Variants in PCDH15 observed in about 807,000 individuals in gnomAD.
PCDH15 encodes protocadherin related 15, also known as protocadherin-15.
In PCDH15, 129 loss-of-function variants were observed where a neutral mutation model predicts 178.5. That is an observed-to-expected ratio of 0.72 (90% confidence interval 0.63 to 0.84). The LOEUF is 0.84. Among genes scored for constraint, PCDH15 ranks in the 40% least tolerant of loss-of-function variants. PCDH15 has a pLI of 0.00. For synonymous variants in PCDH15, 800 were observed against 732.0 expected (o/e 1.09, Z -1.50); for missense variants, 2,230 against 2,099.9 (o/e 1.06, Z -1.21).
chr10:54,070,526 A>G (rs1171732094), intron 17 of PCDH15, among the ~76,000 whole-genome samples: 1 of 152,064 alleles, frequency 6.6e-6, no homozygotes, highest in Non-Finnish European at 1.5e-5. Context: ...TTGAATACAC[A>G]TTTATTTTTA....
In PCDH15 at chr10:54,579,935, CACA is replaced by C. The variant is rs1227794887; in HGVS notation, c.92-52061_92-52059del. 5.9e-5 allele frequency among the ~76,000 whole-genome samples: 9 copies of C among 152,058 alleles called. No homozygotes were observed. The South Asian group carries it at 1.5e-3, about 25-fold the overall frequency. Reference sequence around the variant, plus strand: ...TATAAAATTATTTAAAATGAAGACACACAACATTTCAAAATCTCTGAGATGCAG... The same window carrying C: ...TATAAAATTATTTAAAATGAAGACACACATTTCAAAATCTCTGAGATGCAG... On this transcript the variant is annotated intron_variant, in intron 2 of 37. Coordinates refer to ENST00000644397, the MANE Select transcript of PCDH15 (RefSeq NM_001384140.1).
chr10:54,513,486 T>C (rs1044139262), intron 3 of PCDH15, among the ~76,000 whole-genome samples: 7 of 152,148 alleles, frequency 4.6e-5, no homozygotes, highest in East Asian at 1.9e-4. Flanking sequence ...TTCCCTCACA[T>C]TAGAATATTG....
chr10:55,449,409 A>G (rs549460429), intron 2 of PCDH15, among the ~76,000 whole-genome samples: 11 of 152,222 alleles, frequency 7.2e-5, no homozygotes, highest in African/African-American at 2.4e-4. Context: ...TCATGACAAC[A>G]GGCAATAAAA....
At chr10:54,134,470 C>A (rs1028372368) in intron 14 of PCDH15, among the ~76,000 whole-genome samples, 1 of 152,042 alleles carries the variant, frequency 6.6e-6, no homozygotes, top group African/African-American at 2.4e-5. Context: ...GAAAGAAATT[C>A]AGGCTGGGCA....
chr10:54,271,202 CT>C (rs1327517126), intron 8 of PCDH15, among the ~76,000 whole-genome samples: 1 of 151,062 alleles, frequency 6.6e-6, no homozygotes, highest in Non-Finnish European at 1.5e-5. Flanking sequence ...TAATTATGTT[CT>C]TACATTTTGT....
At chr10:54,360,821 A>C (rs1005690318) in intron 5 of PCDH15, among the ~76,000 whole-genome samples, 1 of 152,070 alleles carries the variant, frequency 6.6e-6, no homozygotes, top group Non-Finnish European at 1.5e-5. Context: ...ACAAAGTTTG[A>C]ATAGAATAAA....
intron 2 of PCDH15, among the ~76,000 whole-genome samples, chr10:55,528,988 C>A (rs1841381145): frequency 6.6e-6 from 1 of 152,082 alleles, no homozygotes; most frequent in Non-Finnish European, 1.5e-5. Flanking sequence ...TGATGATGAG[C>A]ATTTTTTCAT....
chr10:54,312,101 C>G (rs1030094076), intron 8 of PCDH15, among the ~76,000 whole-genome samples: 3 of 151,986 alleles, frequency 2.0e-5, no homozygotes, highest in Non-Finnish European at 4.4e-5. Flanking sequence ...TCAACATGTT[C>G]TGTTTAGCTG....
chr10:54,777,508 G>A (rs1044786027), intron 1 of PCDH15, among the ~76,000 whole-genome samples: 2 of 152,124 alleles, frequency 1.3e-5, no homozygotes, highest in Non-Finnish European at 2.9e-5. Flanking sequence ...GATATGAGGC[G>A]CTCTCATCAC....
At chr10:54,873,494 T>C (rs573043237) in intron 3 of PCDH15, among the ~76,000 whole-genome samples, 56 of 148,488 alleles carry the variant, frequency 3.8e-4, no homozygotes, top group African/African-American at 1.3e-3. Context: ...ATAATATATA[T>C]ACGTGTATGT....
intron 1 of PCDH15, among the ~76,000 whole-genome samples, chr10:54,666,374 A>T (rs1207954715): frequency 6.6e-6 from 1 of 152,058 alleles, no homozygotes; most frequent in African/African-American, 2.4e-5. Flanking sequence ...AAAGTCTGTG[A>T]GTAAGACACT....
chr10:54,946,414 T>C (rs1194647696), intron 2 of PCDH15, among the ~76,000 whole-genome samples: 1 of 151,802 alleles, frequency 6.6e-6, no homozygotes, highest in African/African-American at 2.4e-5. Flanking sequence ...GTTAACACAG[T>C]GTTAGGAGTT....
chr10:55,030,857 A>C (rs529944039), intron 2 of PCDH15, among the ~76,000 whole-genome samples: 42 of 152,324 alleles, frequency 2.8e-4, no homozygotes, highest in African/African-American at 8.7e-4. Flanking sequence ...ACATATATGT[A>C]TAGAAAATAA....
rs549424894 is a variant in PCDH15 at position 54,351,203 on chromosome 10, A to C, written c.475-4719T>G. Among the ~76,000 whole-genome samples the C allele has an allele frequency of 2.0e-5, 3 of 152,276 alleles. No individual in the cohort carries two copies. The South Asian group carries it at 6.2e-4, about 32-fold the overall frequency. ...TATAAAACTGTGAACAAAGAGACCT[A>C]CCTTATGTTTCATAGATAACTCTTT... On this transcript the variant is annotated intron_variant, in intron 5 of 37. Transcript: ENST00000644397.
At chr10:55,315,944 A>G (rs1490437595) in intron 1 of PCDH15, among the ~76,000 whole-genome samples, 3 of 152,216 alleles carry the variant, frequency 2.0e-5, no homozygotes, top group Admixed American at 2.0e-4. Flanking sequence ...TGAACCTGGG[A>G]GGCAGAGGTT....
At chr10:55,363,463 T>C (rs1183680530) in intron 2 of PCDH15, among the ~76,000 whole-genome samples, 1 of 152,142 alleles carries the variant, frequency 6.6e-6, no homozygotes, top group Non-Finnish European at 1.5e-5. Context: ...ATGTGGTAAG[T>C]GTATGTTTTG....
chr10:54,839,277 A>G (rs1436880899), intron 3 of PCDH15, among the ~76,000 whole-genome samples: 1 of 152,148 alleles, frequency 6.6e-6, no homozygotes, highest in Non-Finnish European at 1.5e-5. Context: ...CTGAAGAAAA[A>G]ACAATCCATA....
At position 53,806,402 on chromosome 10, in the gene PCDH15, T is replaced by TTAATTGATAACAATG. The variant is rs1841157683; in HGVS notation, c.*162_*176dup. 5 of 561,020 alleles carry TTAATTGATAACAATG rather than the reference T, an allele frequency of 8.9e-6. No individual in the cohort carries two copies. Among genetic ancestry groups the TTAATTGATAACAATG allele is most frequent in the Admixed American group, 3.4e-5 (1 of 29,440 alleles). 34.8% of individuals were successfully genotyped at this position (561,020 alleles called of 1,614,324 possible). On this transcript the variant is annotated 3_prime_UTR_variant, in exon 38 of 38. Transcript: ENST00000644397. Reference sequence around the variant, plus strand: ...CAAAAGGATTTTCTGGGAAAAACGATTAATTGATAACAATGTGAGTGCAAA... The same window carrying TTAATTGATAACAATG: ...CAAAAGGATTTTCTGGGAAAAACGATTAATTGATAACAATGTAATTGATAACAATGTGAGTGCAAA...
intron 2 of PCDH15, among the ~76,000 whole-genome samples, chr10:55,511,051 G>GTT (rs543684590): frequency 6.9e-6 from 1 of 145,260 alleles, no homozygotes; most frequent in Admixed American, 7.0e-5. Context: ...TTGTTTGTTT[G>GTT]TTTTTTTTTT....
Sources: allele counts gnomAD v4.1 joint callset (sites outside exome capture counted in the v4.1 genomes callset), GRCh38; gene constraint gnomAD v4.1.1; transcripts MANE v1.5; gene names NCBI Gene and HGNC (gene_info 2026-07-23, HGNC 2026-07-21).